Variants in ZNF423 observed in about 807,000 individuals in gnomAD.
ZNF423 encodes the protein Ebf-associated zinc finger protein.
A neutral mutation model predicts 95.8 loss-of-function variants in ZNF423; 12 were observed. The observed-to-expected ratio is 0.13, with a 90% CI of 0.08 to 0.20. The LOEUF is 0.20. Among genes scored for constraint, ZNF423 ranks in the 10% least tolerant of loss-of-function variants. The pLI is 1.00. For synonymous variants in ZNF423, 749 were observed against 711.9 expected (o/e 1.05, Z -0.83); for missense variants, 1,316 against 1,737.1 (o/e 0.76, Z 4.31).
At chr16:49,528,470 C>T (rs1329901973) in intron 5 of ZNF423, among the ~76,000 whole-genome samples, 1 of 152,136 alleles carries the variant, frequency 6.6e-6, no homozygotes, top group African/African-American at 2.4e-5. Flanking sequence ...GCCCAACAGA[C>T]CACTGTGTGT....
chr16:49,840,575 T>C (rs114701133), intron 1 of ZNF423, among the ~76,000 whole-genome samples: 1,554 of 152,364 alleles, frequency 0.01, 19 homozygotes, highest in African/African-American at 0.035. Context: ...TCTGTCCCTG[T>C]ACTGAGAGTC....
intron 3 of ZNF423, among the ~76,000 whole-genome samples, chr16:49,652,493 C>A (rs1478830115): frequency 1.3e-5 from 2 of 152,104 alleles, no homozygotes; most frequent in South Asian, 4.1e-4. Context: ...CCCAGGGGCA[C>A]GAGGAGCTCA....
chr16:49,722,019 C>T (rs559684231), intron 3 of ZNF423, among the ~76,000 whole-genome samples: 9 of 152,266 alleles, frequency 5.9e-5, no homozygotes, highest in South Asian at 2.1e-4. Context: ...ACTTCGCAGG[C>T]GGTGAATAAA....
intron 1 of ZNF423, among the ~76,000 whole-genome samples, chr16:49,799,917 G>A (rs546286004): frequency 2.6e-5 from 4 of 152,046 alleles, no homozygotes; most frequent in African/African-American, 7.2e-5. Flanking sequence ...AGCCTCCTGC[G>A]TAGCTAGGAC....
At chr16:49,542,220 C>T (rs1969276582) in intron 5 of ZNF423, among the ~76,000 whole-genome samples, 1 of 151,944 alleles carries the variant, frequency 6.6e-6, no homozygotes, top group Admixed American at 6.6e-5. Flanking sequence ...TTTCTGGTCC[C>T]TGCTGGGTCT....
At position 49,559,968 on chromosome 16, in the gene ZNF423, T is replaced by A. The variant is rs566901957; in HGVS notation, c.3602-34474A>T. On this transcript the variant is annotated intron_variant, in intron 5 of 7. Coordinates refer to ENST00000563137, the MANE Select transcript of ZNF423 (RefSeq NM_001379286.1). ...TCTTTGGTCTTTGGCTGTCTAAATG[T>A]CATGGTGACTTTGCCAGGGCAAAAG... 1.4e-4 allele frequency among the ~76,000 whole-genome samples: 21 copies of A among 152,310 alleles called. No homozygotes were observed. In the South Asian group the frequency reaches 4.4e-3, roughly 32 times the overall value.
At chr16:49,774,026 A>G (rs1410268978) in intron 2 of ZNF423, among the ~76,000 whole-genome samples, 1 of 152,182 alleles carries the variant, frequency 6.6e-6, no homozygotes, top group African/African-American at 2.4e-5. Flanking sequence ...GGAGCCTACA[A>G]CAGTCAGCTC....
chr16:49,854,471 TC>T (rs1365196028), intron 1 of ZNF423: 1 of 985,274 alleles, frequency 1.0e-6, no homozygotes, highest in Non-Finnish European at 1.2e-6. Flanking sequence ...CGCGCAGGCC[TC>T]CAGGAAATGA....
intron 2 of ZNF423, among the ~76,000 whole-genome samples, chr16:49,770,024 A>G (rs2034004499): frequency 3.3e-5 from 5 of 152,106 alleles, no homozygotes; most frequent in Admixed American, 3.3e-4. Flanking sequence ...ACCCCTAGTG[A>G]AAGCATGTGG....
rs112889745 is a variant in ZNF423, at chr16:49,831,345, C to A, written c.40+24390G>T. On this transcript the variant is annotated intron_variant, in intron 1 of 7. Transcript: ENST00000563137. The stretch of plus-strand genomic sequence containing the variant: ...CTTCAAGAACCCTAGGAAATGGGTT[C>A]ATTTTCCCTATTTTATAATTGGAGA... Among the ~76,000 whole-genome samples, 489 of 152,256 alleles carry A rather than the reference C, an allele frequency of 3.2e-3. 2 individuals are homozygous for A. The highest frequency in any genetic ancestry group is 0.01 in the African/African-American group (416 of 41,538).
intron 3 of ZNF423, among the ~76,000 whole-genome samples, chr16:49,658,508 T>C (rs1341671868): frequency 6.6e-6 from 1 of 152,208 alleles, no homozygotes; most frequent in African/African-American, 2.4e-5. Flanking sequence ...CCTAGAGTAA[T>C]TGTCGTCGTG....
At chr16:49,665,222 A>G (rs1567276524) in intron 3 of ZNF423, among the ~76,000 whole-genome samples, 1 of 152,232 alleles carries the variant, frequency 6.6e-6, no homozygotes, top group Admixed American at 6.5e-5. Context: ...GTAAATATAG[A>G]TGTCACCCAC....
At chr16:49,780,546 A>G (rs1239589754) in intron 2 of ZNF423, 3 of 152,382 alleles carry the variant, frequency 2.0e-5, no homozygotes, top group African/African-American at 7.2e-5. Context: ...ACTGCTCACC[A>G]TGGTAACAGA....
At chr16:49,604,220 C>T (rs984680925) in intron 5 of ZNF423, among the ~76,000 whole-genome samples, 4 of 152,224 alleles carry the variant, frequency 2.6e-5, no homozygotes, top group Admixed American at 2.0e-4. Context: ...AAAGCACCCA[C>T]GGCCACTGAC....
intron 5 of ZNF423, among the ~76,000 whole-genome samples, chr16:49,624,803 C>T (rs116922588): frequency 0.019 from 2,854 of 152,180 alleles, 37 homozygotes; most frequent in Non-Finnish European, 0.028. Context: ...CAAAACCAAC[C>T]TATATTATTA....
intron 7 of ZNF423, among the ~76,000 whole-genome samples, chr16:49,518,888 ATAAAATTAAAAGT>A (rs947577844): frequency 6.6e-6 from 1 of 152,152 alleles, no homozygotes; most frequent in African/African-American, 2.4e-5. Flanking sequence ...GACCCCACCT[ATAAAATTAAAAGT>A]TAAAATTAAA....
intron 7 of ZNF423, among the ~76,000 whole-genome samples, chr16:49,493,118 T>C (rs1047125780): frequency 6.6e-6 from 1 of 152,074 alleles, no homozygotes; most frequent in Admixed American, 6.5e-5. Flanking sequence ...CCTCCAGCCG[T>C]GGCACCTCTC....
chr16:49,767,391 C>T (rs2033950180), intron 2 of ZNF423, among the ~76,000 whole-genome samples: 1 of 152,134 alleles, frequency 6.6e-6, no homozygotes, highest in Non-Finnish European at 1.5e-5. Flanking sequence ...TCTTTGTTCC[C>T]AGCCAAGAGG....
intron 1 of ZNF423, among the ~76,000 whole-genome samples, chr16:49,827,656 C>G (rs34290737): frequency 0.47 from 71,958 of 151,904 alleles, 17,248 homozygotes; most frequent in Middle Eastern, 0.62. Flanking sequence ...GCTGGGACTA[C>G]AGGCATGTGC....
Sources: allele counts gnomAD v4.1 joint callset (sites outside exome capture counted in the v4.1 genomes callset), GRCh38; gene constraint gnomAD v4.1.1; transcripts MANE v1.5; gene names NCBI Gene and HGNC (gene_info 2026-07-23, HGNC 2026-07-21).